The following ICA1L variants were observed in gnomAD, a reference collection of about 807,000 sequenced individuals.
ICA1L encodes islet cell autoantigen 1 like.
In ICA1L, 50 loss-of-function variants were observed where a neutral mutation model predicts 61.3. The observed-to-expected ratio is 0.82, with a 90% CI of 0.65 to 1.03. The LOEUF (loss-of-function observed/expected upper bound fraction) is 1.03. Among genes scored for constraint, ICA1L ranks in the 50% least tolerant of loss-of-function variants. The probability of loss-of-function intolerance (pLI) is 0.00; values close to 1 mark genes in which losing one functional copy is unlikely to be tolerated. For synonymous variants in ICA1L, 161 were observed against 191.3 expected, an observed-to-expected ratio of 0.84 and a Z score of 1.31; for missense variants, 508 against 556.7, an observed-to-expected ratio of 0.91 and a Z score of 0.88.
chr2:202,821,066 T>C (rs1487404370), intron 4 of ICA1L, among the ~76,000 whole-genome samples: 2 of 152,228 alleles, frequency 1.3e-5, no homozygotes, highest in Non-Finnish European at 2.9e-5. Flanking sequence ...ATTAAACCAG[T>C]TGAGAAATAT....
chr2:202,845,183 T>G (rs892113249), intron 1 of ICA1L, among the ~76,000 whole-genome samples: 1 of 152,208 alleles, frequency 6.6e-6, no homozygotes, highest in African/African-American at 2.4e-5. Flanking sequence ...AAAGTCTCTT[T>G]GAACACAGTC....
rs761906089 is a variant in ICA1L, at chr2:202,817,480, T to G, written c.622A>C (p.Lys208Gln). The G allele has an allele frequency of 6.2e-7, 1 of 1,612,594 alleles. No homozygotes were observed. The highest frequency in any genetic ancestry group is 1.1e-5 in the South Asian group (1 of 90,892). The change falls in exon 6 of 13, where the codon AAA becomes CAA. Residue 208 changes from lysine to glutamine, a missense_variant. Lys to Gln is a moderately conservative substitution (Grantham distance 53). Coordinates refer to ENST00000358299, the MANE Select transcript of ICA1L (RefSeq NM_001288622.3). The stretch of plus-strand genomic sequence containing the variant: ...CGACTAGCTCCAAGTAAATCCACTT[T>G]CTGACAAACATCCATCTTTAACTTG... ...FDKLKMDVCQ[K>Q]VDLLGASRCN... is the part of the protein sequence containing the mutation.
chr2:202,842,895 C>A (rs972549553), intron 1 of ICA1L, among the ~76,000 whole-genome samples: 3 of 152,138 alleles, frequency 2.0e-5, no homozygotes, highest in South Asian at 2.1e-4. Context: ...CATATTAATT[C>A]TTCTGCTTCA....
chr2:202,821,217 G>T, intron 4 of ICA1L, 141 bp downstream of exon 4: 2 of 625,414 alleles, frequency 3.2e-6, no homozygotes, highest in Non-Finnish European at 5.1e-6. Context: ...AGAATTAGGT[G>T]TCACAACATA....
rs1692187237 is a variant in ICA1L, at chr2:202,775,276, A to G, written c.*4257T>C. The G allele has an allele frequency of 2.6e-5, 4 of 152,304 alleles. No homozygotes were observed. The Middle Eastern group carries it at 0.01, about 389-fold the overall frequency. The allele number at this position is 152,304 out of a possible 1,614,324, so 9.4% of individuals were successfully genotyped here. ...TTCATTGCTCAAGGTAGAGAAATGC[A>G]GGGCCCTGCCAACACTATGGAAGAC... On this transcript the variant is annotated 3_prime_UTR_variant, in exon 13 of 13. Transcript: ENST00000358299.
chr2:202,864,115 T>C (rs1157081199), intron 1 of ICA1L, among the ~76,000 whole-genome samples: 1 of 152,174 alleles, frequency 6.6e-6, no homozygotes, highest in Non-Finnish European at 1.5e-5. Flanking sequence ...CGGTCAAACA[T>C]TTAGGATGTA....
At chr2:202,845,131 A>T (rs946463436) in intron 1 of ICA1L, among the ~76,000 whole-genome samples, 8 of 152,186 alleles carry the variant, frequency 5.3e-5, no homozygotes, top group African/African-American at 1.9e-4. Context: ...ATAATCCAGG[A>T]TAATATCCCC....
intron 9 of ICA1L, among the ~76,000 whole-genome samples, chr2:202,808,422 A>G (rs1386414419): frequency 1.3e-5 from 2 of 152,336 alleles, no homozygotes; most frequent in East Asian, 3.9e-4. Context: ...CTTGGGTGCC[A>G]GCTCAGCTGG....
chr2:202,810,481 C>CTCTTAGTCCCGTCATCTTCGT (rs1428148665), intron 9 of ICA1L, among the ~76,000 whole-genome samples: 3 of 152,238 alleles, frequency 2.0e-5, no homozygotes, highest in African/African-American at 7.2e-5. Context: ...ATACTTTAAT[C>CTCTTAGTCCCGTCATCTTCGT]TCTTAGTCCC....
chr2:202,865,689 T>C (rs1687489501), intron 1 of ICA1L, among the ~76,000 whole-genome samples: 1 of 152,296 alleles, frequency 6.6e-6, no homozygotes, highest in East Asian at 1.9e-4. Context: ...ATCTACTAGA[T>C]CTAATGCAAC....
chr2:202,847,954 A>T (rs1574376492), intron 1 of ICA1L, among the ~76,000 whole-genome samples: 1 of 152,116 alleles, frequency 6.6e-6, no homozygotes, highest in South Asian at 2.1e-4. Context: ...GCTGGAGGCC[A>T]TTTTCCTAAG....
At chr2:202,785,847 C>T in intron 12 of ICA1L, 71 bp downstream of exon 12, 1 of 863,852 alleles carries the variant, frequency 1.2e-6, no homozygotes. Flanking sequence ...TAAAGTGATC[C>T]TTTTCTAAAT....
intron 1 of ICA1L, among the ~76,000 whole-genome samples, chr2:202,830,846 T>C (rs554147959): frequency 2.8e-4 from 43 of 152,044 alleles, no homozygotes; most frequent in East Asian, 2.3e-3. Flanking sequence ...AACAAGAAGA[T>C]GGAAGAAGAA....
chr2:202,839,317 G>A lies in ICA1L; in HGVS notation c.-7-10301C>T, dbSNP rs149615521. Among the ~76,000 whole-genome samples, 54 of 152,040 alleles carry A rather than the reference G, an allele frequency of 3.6e-4. No homozygotes were observed. The East Asian group carries it at 6.4e-3, about 18-fold the overall frequency. The stretch of plus-strand genomic sequence containing the variant: ...AGATCGAGACCGTCCTGGCTAACAA[G>A]GTGAAACCCCGTCTCTACTAAAAAT... On this transcript the variant is annotated intron_variant, in intron 1 of 12. Transcript: ENST00000358299.
chr2:202,784,246 G>A (rs1188322124), intron 12 of ICA1L, among the ~76,000 whole-genome samples: 1 of 152,180 alleles, frequency 6.6e-6, no homozygotes, highest in Non-Finnish European at 1.5e-5. Context: ...GAGGTCAGGA[G>A]TTCAAGACCA....
At chr2:202,815,870 G>T in intron 7 of ICA1L, 41 bp downstream of exon 7, 1 of 1,149,856 alleles carries the variant, frequency 8.7e-7, no homozygotes, top group Non-Finnish European at 1.2e-6. Flanking sequence ...CCCAAATGAA[G>T]AGTAATACAT....
At chr2:202,827,246 T>C (rs1026038791) in intron 2 of ICA1L, among the ~76,000 whole-genome samples, 1 of 152,010 alleles carries the variant, frequency 6.6e-6, no homozygotes, top group Non-Finnish European at 1.5e-5. Context: ...ATACAAAAAT[T>C]AGCCAGCCAT....
chr2:202,808,527 G>T (rs1357528580), intron 9 of ICA1L, among the ~76,000 whole-genome samples: 2 of 152,198 alleles, frequency 1.3e-5, no homozygotes, highest in Non-Finnish European at 2.9e-5. Context: ...CTGGGGAGTA[G>T]CTTGCCACCC....
chr2:202,783,445 A>G (rs973596682), intron 12 of ICA1L, among the ~76,000 whole-genome samples: 2 of 152,304 alleles, frequency 1.3e-5, no homozygotes, highest in South Asian at 4.1e-4. Context: ...AAGGCACAAC[A>G]CCATTCCTGC....
Sources: allele counts gnomAD v4.1 joint callset (sites outside exome capture counted in the v4.1 genomes callset), GRCh38; gene constraint gnomAD v4.1.1; transcripts MANE v1.5; gene names NCBI Gene and HGNC (gene_info 2026-07-23, HGNC 2026-07-21).